Variants in UNKL observed in about 807,000 individuals in gnomAD.
The protein encoded by UNKL is unk like zinc finger.
Under a neutral mutation model 78.0 loss-of-function variants are expected in UNKL, and 60 were observed. The observed-to-expected ratio is 0.77, with a 90% CI of 0.63 to 0.95. The LOEUF (loss-of-function observed/expected upper bound fraction) is 0.95. Among genes scored for constraint, UNKL ranks in the 40% least tolerant of loss-of-function variants. UNKL has a pLI of 0.00. For synonymous variants in UNKL, 608 were observed against 474.8 expected, an observed-to-expected ratio of 1.28 and a Z score of -3.65; for missense variants, 1,159 against 1,045.7, an observed-to-expected ratio of 1.11 and a Z score of -1.49.
At chr16:1,392,839 T>A (rs1316823783) in intron 8 of UNKL, 52 bp downstream of exon 8, 1 of 1,541,022 alleles carries the variant, frequency 6.5e-7, no homozygotes, top group Non-Finnish European at 8.8e-7. Flanking sequence ...CCCTAAGAGT[T>A]CAATTAAACC....
intron 9 of UNKL, among the ~76,000 whole-genome samples, chr16:1,390,089 C>T (rs2036984197): frequency 1.3e-5 from 2 of 152,152 alleles, no homozygotes; most frequent in East Asian, 1.9e-4. Context: ...CGGCTTCAAG[C>T]AATTCTCCTG....
Position 1,399,050 on chromosome 16 carries a change from G to A in UNKL, c.734+324C>T. On this transcript the variant is annotated intron_variant, in intron 5 of 14. Coordinates refer to ENST00000389221, the MANE Select transcript of UNKL (RefSeq NM_001372107.1). This position sits in a 1 kb window ranked among gnomAD's most constrained non-coding sequence, Gnocchi z 5.8. ...GCTGGAGAGCGTGGCTGCAACCAGA[G>A]GCACGGGTGGGGCACACGGGGGTCC... 7.1e-7 allele frequency: 1 copy of A among 1,411,462 alleles called. No individual in the cohort carries two copies. The highest frequency in any genetic ancestry group is 9.3e-7 in the Non-Finnish European group (1 of 1,073,244). The allele number at this position is 1,411,462 out of a possible 1,614,324, so 87.4% of individuals were successfully genotyped here.
At chr16:1,411,048 A>G (rs1252603245) in intron 2 of UNKL, among the ~76,000 whole-genome samples, 1 of 152,102 alleles carries the variant, frequency 6.6e-6, no homozygotes, top group African/African-American at 2.4e-5. Context: ...CTCCATCTCT[A>G]CAAAAAAATT....
At chr16:1,381,136 G>A (rs778296147) in intron 10 of UNKL, among the ~76,000 whole-genome samples, 3 of 152,164 alleles carry the variant, frequency 2.0e-5, no homozygotes, top group African/African-American at 4.8e-5. Flanking sequence ...ATGCAGCCAC[G>A]CCTCTGTCAA....
In UNKL at chr16:1,414,629, C is replaced by A; in HGVS notation, c.63G>T (p.Lys21Asn). 2 of 1,112,132 alleles carry A rather than the reference C, an allele frequency of 1.8e-6. No homozygotes were observed. Among genetic ancestry groups the A allele is most frequent in the South Asian group, 2.6e-5 (1 of 38,740 alleles). 68.9% of individuals were successfully genotyped at this position (1,112,132 alleles called of 1,614,324 possible). ...CGGGCGCTGACCTGTAGTGGGTCGG[C>A]TTCTCAGTCTGCGGGGGGGACCCGC... ...ALSGSPPQTE[K>N]PTHYRYLKEF... The change falls in exon 1 of 15, where the codon AAG becomes AAT. Residue 21 changes from lysine to asparagine, a missense_variant. Lys to Asn is a moderately conservative substitution (Grantham distance 94). Transcript: ENST00000389221.
chr16:1,376,093 T>TCCTC (rs1555455385), intron 10 of UNKL, among the ~76,000 whole-genome samples: 3 of 147,046 alleles, frequency 2.0e-5, no homozygotes, highest in Non-Finnish European at 4.5e-5. Flanking sequence ...GCTGGGGCGC[T>TCCTC]CCTCCTCCCT....
Position 1,366,241 on chromosome 16 carries a change from C to T in UNKL, c.2201G>A (p.Ter734=), listed in dbSNP as rs372255094. ...PYCKGQPLQW[*] is the part of the protein sequence containing the mutation. Reference sequence around the variant, plus strand: ...AGGAGGTGGCTGTCCCCGCTGAGGTCACCACTGCAGGGGCTGGCCCTTGCA... The same window carrying T: ...AGGAGGTGGCTGTCCCCGCTGAGGTTACCACTGCAGGGGCTGGCCCTTGCA... Residue 734 remains the stop codon, a stop_retained_variant, in exon 15 of 15, where the codon TGA becomes TAA. Coordinates refer to ENST00000389221, the MANE Select transcript of UNKL (RefSeq NM_001372107.1). The T allele has an allele frequency of 8.4e-6, 13 of 1,555,200 alleles. No individual in the cohort carries two copies. Among genetic ancestry groups the T allele is most frequent in the African/African-American group, 6.8e-5 (5 of 73,642 alleles).
At chr16:1,414,140 A>G in intron 1 of UNKL, 85 bp from the exon 2 acceptor site, 2 of 1,365,748 alleles carry the variant, frequency 1.5e-6, no homozygotes, top group Non-Finnish European at 2.0e-6. Context: ...CACCGGCCTC[A>G]GGAGCCTCAA....
At chr16:1,383,729 C>A in intron 10 of UNKL, 1 of 400,664 alleles carries the variant, frequency 2.5e-6, no homozygotes, top group Non-Finnish European at 5.2e-6. Flanking sequence ...GCGGGTCTGG[C>A]CGCCGGGCCG....
In UNKL at chr16:1,387,587, G is replaced by A. The variant is rs921971065; in HGVS notation, c.1087-2202C>T. 6.6e-6 allele frequency among the ~76,000 whole-genome samples: 1 copy of A among 152,200 alleles called. No individual in the cohort carries two copies. Among genetic ancestry groups the A allele is most frequent in the East Asian group, 1.9e-4 (1 of 5,202 alleles). Reference sequence around the variant, plus strand: ...AGGACAGGGCCACCTGGGCTGTGGGGCTGAGGAGGCAGGCACCAGCAAGGG... The same window carrying A: ...AGGACAGGGCCACCTGGGCTGTGGGACTGAGGAGGCAGGCACCAGCAAGGG... On this transcript the variant is annotated intron_variant, in intron 9 of 14. Transcript: ENST00000389221. This position sits in a 1 kb window ranked among gnomAD's most constrained non-coding sequence, Gnocchi z 4.1.
At chr16:1,372,734 G>T (rs2035957823) in intron 10 of UNKL, among the ~76,000 whole-genome samples, 1 of 152,204 alleles carries the variant, frequency 6.6e-6, no homozygotes, top group Non-Finnish European at 1.5e-5. Flanking sequence ...GCGGCTGCAG[G>T]AGCTCTGGGA....
chr16:1,379,513 C>A, intron 10 of UNKL: 2 of 985,344 alleles, frequency 2.0e-6, no homozygotes, highest in South Asian at 9.4e-5. Flanking sequence ...ACACCCGGCT[C>A]CGTGACGCGG....
chr16:1,379,468 G>T, intron 10 of UNKL: 1 of 984,570 alleles, frequency 1.0e-6, no homozygotes, highest in Non-Finnish European at 1.2e-6. Flanking sequence ...CTCGCTCCGG[G>T]CCTCTGAGAA....
chr16:1,393,094 CAG>C (rs1383822309), intron 7 of UNKL, 118 bp from the exon 8 acceptor site: 19 of 1,104,772 alleles, frequency 1.7e-5, no homozygotes, highest in Non-Finnish European at 4.0e-6. Context: ...AATCATCCCT[CAG>C]GGGTGCGGCA....
intron 10 of UNKL, 135 bp from the exon 11 acceptor site, chr16:1,371,746 G>T: frequency 3.4e-6 from 3 of 893,804 alleles, no homozygotes; most frequent in African/African-American, 1.7e-5. Context: ...TGCTGGGGCA[G>T]CCAGGGAAGG....
At position 1,385,707 on chromosome 16, in the gene UNKL, G is replaced by A. The variant is rs546350232; in HGVS notation, c.1087-322C>T. Among the ~76,000 whole-genome samples the A allele has an allele frequency of 3.5e-4, 53 of 152,328 alleles. No homozygotes were observed. The East Asian group carries it at 4.3e-3, about 12-fold the overall frequency. On this transcript the variant is annotated intron_variant, in intron 9 of 14. Transcript: ENST00000389221. ...GGCACGTGCAGAAAGATGTGTCAGC[G>A]GCCAGGAGCCCGCCAGCCCGAGGGG...
intron 6 of UNKL, 36 bp downstream of exon 6, chr16:1,397,142 A>G (rs746744529): frequency 6.5e-6 from 10 of 1,539,566 alleles, no homozygotes; most frequent in Admixed American, 5.9e-5. Context: ...GGGACCTTCC[A>G]GCGACCCCTA....
chr16:1,370,949 G>A (rs1302919286), intron 11 of UNKL, among the ~76,000 whole-genome samples: 2 of 152,180 alleles, frequency 1.3e-5, no homozygotes, highest in Admixed American at 6.5e-5. Flanking sequence ...TGGGCGTGGT[G>A]GCGGGCACCT....
At chr16:1,390,559 A>G (rs1270546309) in intron 9 of UNKL, 73 bp downstream of exon 9, 1 of 1,480,802 alleles carries the variant, frequency 6.8e-7, no homozygotes. Flanking sequence ...GCCACGGGTC[A>G]GGCACGAGGG....
Sources: gnomAD v4.1 joint callset for allele counts (sites outside exome capture counted in the v4.1 genomes callset) on GRCh38, gnomAD v4.1.1 for gene constraint, Gnocchi (gnomAD v3.1) non-coding constraint, MANE v1.5 for transcripts, NCBI Gene and HGNC (gene_info 2026-07-23, HGNC 2026-07-21) for gene names.